The following SENP7 variants were observed in gnomAD, a reference collection of about 807,000 sequenced individuals.
SENP7 encodes sentrin-specific protease 7.
In SENP7, 64 loss-of-function variants were observed where a neutral mutation model predicts 141.2. The ratio of observed to expected loss-of-function variants is 0.45; its 90% CI spans 0.37 to 0.56. The LOEUF (loss-of-function observed/expected upper bound fraction) is 0.56. Among genes scored for constraint, SENP7 ranks in the 20% least tolerant of loss-of-function variants. SENP7 has a pLI of 0.00. For missense variants in SENP7, 1,025 were observed against 1,212.2 expected (o/e 0.85, Z 2.29); for synonymous variants, 382 against 426.4 (o/e 0.90, Z 1.28).
At chr3:101,437,821 T>C (rs1252233382) in intron 4 of SENP7, among the ~76,000 whole-genome samples, 1 of 152,024 alleles carries the variant, frequency 6.6e-6, no homozygotes, top group Non-Finnish European at 1.5e-5. Context: ...TATGAATCTC[T>C]AATAAATACA....
intron 4 of SENP7, among the ~76,000 whole-genome samples, chr3:101,427,982 T>C (rs1418264755): frequency 6.6e-6 from 1 of 152,212 alleles, no homozygotes; most frequent in Non-Finnish European, 1.5e-5. Context: ...TTTGTGAGAA[T>C]GATGGTTTCC....
chr3:101,402,616 CAAAAAAAAA>C (rs58525002), intron 5 of SENP7, among the ~76,000 whole-genome samples: 4 of 93,676 alleles, frequency 4.3e-5, no homozygotes, highest in Non-Finnish European at 7.9e-5. Context: ...GACTCCGTCT[CAAAAAAAAA>C]AAAAAAAAAA....
intron 1 of SENP7, among the ~76,000 whole-genome samples, chr3:101,503,928 A>G (rs527908479): frequency 3.3e-5 from 5 of 152,118 alleles, no homozygotes; most frequent in African/African-American, 1.2e-4. Context: ...CCTGGGCAAC[A>G]GAGCAAGACA....
intron 5 of SENP7, among the ~76,000 whole-genome samples, chr3:101,407,601 T>A (rs1248601892): frequency 6.6e-6 from 1 of 151,976 alleles, no homozygotes; most frequent in Non-Finnish European, 1.5e-5. Context: ...CAGACCACAG[T>A]GGAATAAAAC....
intron 4 of SENP7, among the ~76,000 whole-genome samples, chr3:101,454,842 G>A (rs966421440): frequency 1.9e-4 from 29 of 152,196 alleles, no homozygotes; most frequent in African/African-American, 6.5e-4. Context: ...AGCTGTAGGT[G>A]AGAATGGAAA....
intron 5 of SENP7, 71 bp downstream of exon 5, chr3:101,417,522 T>C (rs2061659621): frequency 8.0e-7 from 1 of 1,245,768 alleles, no homozygotes; most frequent in African/African-American, 1.5e-5. Flanking sequence ...AACAATTTTA[T>C]CATTAGGAGT....
intron 7 of SENP7, among the ~76,000 whole-genome samples, chr3:101,368,410 G>GCCC (rs2060093779): frequency 6.6e-6 from 1 of 151,808 alleles, no homozygotes; most frequent in Non-Finnish European, 1.5e-5. Flanking sequence ...AAAAGGATGA[G>GCCC]TTCATGTCCT....
intron 2 of SENP7, among the ~76,000 whole-genome samples, chr3:101,497,773 T>TG (rs1350853408): frequency 6.6e-6 from 1 of 152,110 alleles, no homozygotes; most frequent in African/African-American, 2.4e-5. Context: ...AGTAAGTAAG[T>TG]GGGGGAAGAG....
At chr3:101,512,955 T>G in intron 1 of SENP7, 136 bp downstream of exon 1, 115 of 917,402 alleles carry the variant, frequency 1.3e-4, no homozygotes, top group Non-Finnish European at 1.7e-4. Flanking sequence ...GAGCCTTCCA[T>G]TGTGCGCGCC....
chr3:101,337,410 G>T, intron 17 of SENP7, 99 bp downstream of exon 17: 1 of 782,524 alleles, frequency 1.3e-6, no homozygotes, highest in Non-Finnish European at 1.9e-6. Context: ...TGGTAGTACT[G>T]CCTACTTGAG....
chr3:101,467,814 A>C (rs112179950), intron 3 of SENP7, among the ~76,000 whole-genome samples: 16,162 of 152,244 alleles, frequency 0.11, 1,072 homozygotes, highest in African/African-American at 0.19. Flanking sequence ...AAAGGATCAC[A>C]GCTCCTCACC....
intron 6 of SENP7, among the ~76,000 whole-genome samples, chr3:101,377,934 G>T (rs1207288401): frequency 6.6e-6 from 1 of 152,130 alleles, no homozygotes; most frequent in Non-Finnish European, 1.5e-5. Context: ...GCAATTTTTT[G>T]AATTTTTGCA....
chr3:101,330,724 T>C (rs1022611486), intron 19 of SENP7, among the ~76,000 whole-genome samples: 2 of 152,228 alleles, frequency 1.3e-5, no homozygotes, highest in Admixed American at 1.3e-4. Flanking sequence ...TGCCTAATAA[T>C]GGTGCTTCTA....
At chr3:101,338,954 C>T (rs2059259097) in intron 16 of SENP7, among the ~76,000 whole-genome samples, 1 of 151,954 alleles carries the variant, frequency 6.6e-6, no homozygotes, top group Admixed American at 6.6e-5. Flanking sequence ...TATCCAGCAC[C>T]CAATCAAAAA....
intron 4 of SENP7, among the ~76,000 whole-genome samples, chr3:101,456,783 T>A (rs1002670525): frequency 2.0e-5 from 3 of 152,190 alleles, no homozygotes; most frequent in Non-Finnish European, 4.4e-5. Flanking sequence ...AAGTATTTTT[T>A]AAATTTTACT....
intron 6 of SENP7, among the ~76,000 whole-genome samples, chr3:101,382,103 A>T (rs2060518876): frequency 6.6e-6 from 1 of 152,226 alleles, no homozygotes; most frequent in Non-Finnish European, 1.5e-5. Context: ...GCTAATTACC[A>T]ATCCCTGCTG....
At chr3:101,500,544 T>TA (rs1215183778) in intron 2 of SENP7, among the ~76,000 whole-genome samples, 13 of 151,396 alleles carry the variant, frequency 8.6e-5, no homozygotes, top group African/African-American at 1.7e-4. Context: ...CCCTGTCTCT[T>TA]AAAAAAAAAG....
chr3:101,347,357 G>A (rs1246893334), intron 13 of SENP7: 1 of 152,076 alleles, frequency 6.6e-6, no homozygotes, highest in African/African-American at 2.4e-5. Flanking sequence ...TATTTTAGAT[G>A]AGAATTTCAA....
intron 4 of SENP7, among the ~76,000 whole-genome samples, chr3:101,418,658 A>G (rs4508750): frequency 0.4 from 59,961 of 151,064 alleles, 12,397 homozygotes; most frequent in Admixed American, 0.54. Flanking sequence ...ATGTTCACAT[A>G]TTTTCAAGAT....
Sources: allele counts gnomAD v4.1 joint callset (sites outside exome capture counted in the v4.1 genomes callset), GRCh38; gene constraint gnomAD v4.1.1; transcripts MANE v1.5; gene names NCBI Gene and HGNC (gene_info 2026-07-23, HGNC 2026-07-21).